The following TRIM54 variants were observed in gnomAD, a reference collection of about 807,000 sequenced individuals.
TRIM54 encodes tripartite motif containing 54.
TRIM54 carries 40 observed loss-of-function variants against 42.0 expected under a neutral mutation model. That is an observed-to-expected ratio of 0.95 (90% CI 0.74 to 1.24). The LOEUF (loss-of-function observed/expected upper bound fraction) is 1.24, where lower values mean the gene tolerates loss of function less well. TRIM54 is among the 50% of genes most tolerant of loss of function. The pLI is 0.00. For synonymous variants in TRIM54, 199 were observed against 194.9 expected (o/e 1.02, Z -0.17); for missense variants, 485 against 480.3 (o/e 1.01, Z -0.09).
intron 1 of TRIM54, among the ~76,000 whole-genome samples, chr2:27,291,851 G>A (rs1200693025): frequency 6.6e-6 from 1 of 152,156 alleles, no homozygotes; most frequent in African/African-American, 2.4e-5. Context: ...TTGTGAATCA[G>A]GAGGGGACTC....
Position 27,306,816 on chromosome 2 carries a change from G to T in TRIM54, c.*2-71G>T. ...GGAGAAACCCACGTGGCGGGGGACG[G>T]AGTGAGCGGGGCTCGAGCTGCCTCG... On this transcript the variant is annotated intron_variant, in intron 8 of 8. Transcript: ENST00000380075. The surrounding 1 kb of genome is among the most constrained non-coding windows in gnomAD (Gnocchi z 6.1). 1 of 526,448 alleles carries T rather than the reference G, an allele frequency of 1.9e-6. No individual in the cohort carries two copies. Among genetic ancestry groups the T allele is most frequent in the Non-Finnish European group, 3.4e-6 (1 of 298,034 alleles). 32.6% of individuals were successfully genotyped at this position (526,448 alleles called of 1,614,324 possible). A position where few individuals can be genotyped will look rare whatever the true frequency, so the allele number is the denominator to read the frequency against.
Position 27,301,660 on chromosome 2 carries a change from C to T in TRIM54, c.513+2244C>T, listed in dbSNP as rs559873614. 6.0e-4 allele frequency among the ~76,000 whole-genome samples: 92 copies of T among 152,252 alleles called. 1 individual carries two copies. In the South Asian group the frequency reaches 0.018, roughly 29 times the overall value. On this transcript the variant is annotated intron_variant, in intron 3 of 8. Coordinates refer to ENST00000380075, the MANE Select transcript of TRIM54 (RefSeq NM_187841.3). ...TTTTGGCCGGCTTCCTTACTGCAAC[C>T]TGTTTTATCAGCAAGGTCTGTATGA...
chr2:27,285,559 GAAGT>G (rs1678534306), intron 1 of TRIM54, among the ~76,000 whole-genome samples: 1 of 152,190 alleles, frequency 6.6e-6, no homozygotes, highest in South Asian at 2.1e-4. Context: ...TCACCAGATA[GAAGT>G]AACTATTACC....
chr2:27,294,780 C>T (rs1047316129), intron 1 of TRIM54, among the ~76,000 whole-genome samples: 4 of 148,522 alleles, frequency 2.7e-5, no homozygotes, highest in African/African-American at 7.4e-5. Context: ...GTCCCAGCTG[C>T]TTGGGAGGCT....
rs1678408739 is a variant in TRIM54, at chr2:27,282,471, G to A, written c.-261G>A. 7.1e-6 allele frequency: 2 copies of A among 281,140 alleles called. No individual in the cohort carries two copies. Among genetic ancestry groups the A allele is most frequent in the East Asian group, 1.4e-4 (2 of 13,804 alleles). 17.4% of individuals were successfully genotyped at this position (281,140 alleles called of 1,614,324 possible). A position where few individuals can be genotyped will look rare whatever the true frequency, so the allele number is the denominator to read the frequency against. On this transcript the variant is annotated 5_prime_UTR_variant, in exon 1 of 9. Transcript: ENST00000380075. ...GAGTGAACAAGAGAGAGTCATTTGG[G>A]AAACAAAAGGAGAATTTTACAGAGA...
chr2:27,288,335 T>A (rs998711114), intron 1 of TRIM54, among the ~76,000 whole-genome samples: 3 of 152,228 alleles, frequency 2.0e-5, no homozygotes, highest in Non-Finnish European at 4.4e-5. Flanking sequence ...AGGGAAAACA[T>A]TCTGACATAA....
Position 27,306,735 on chromosome 2 carries a change from C to T in TRIM54, c.*2-152C>T, listed in dbSNP as rs1325130991. Reference sequence around the variant, plus strand: ...CTAGGGCGGAAAAGTACACTTTCCTCCTCACCCGCTGTTCCTCTGGGGTGC... The same window carrying T: ...CTAGGGCGGAAAAGTACACTTTCCTTCTCACCCGCTGTTCCTCTGGGGTGC... On this transcript the variant is annotated intron_variant, in intron 8 of 8. Coordinates refer to ENST00000380075, the MANE Select transcript of TRIM54 (RefSeq NM_187841.3). This position sits in a 1 kb window ranked among gnomAD's most constrained non-coding sequence, Gnocchi z 6.1. 6.6e-6 allele frequency among the ~76,000 whole-genome samples: 1 copy of T among 152,200 alleles called. No individual in the cohort carries two copies. Among genetic ancestry groups the T allele is most frequent in the African/African-American group, 2.4e-5 (1 of 41,448 alleles).
Position 27,306,332 on chromosome 2 carries a change from A to C in TRIM54, c.986A>C (p.Gln329Pro). The C allele has an allele frequency of 6.2e-7, 1 of 1,614,104 alleles. No homozygotes were observed. Among genetic ancestry groups the C allele is most frequent in the Non-Finnish European group, 8.5e-7 (1 of 1,179,982 alleles). ...VAEMLRTIDF[Q>P]PGASGEEEEV... ...GAAATGCTGCGGACCATCGACTTCC[A>C]GCCAGGTGAAGGAGGTGGCCGAGGG... is the stretch of plus-strand genomic sequence containing the variant. The change falls in exon 7 of 9, where the codon CAG (glutamine) becomes CCG (proline). Residue 329 changes from glutamine (Q) to proline (P), a missense_variant. Physicochemically the swap from Gln to Pro is moderately conservative, Grantham distance 76. Transcript: ENST00000380075. This position sits in a 1 kb window ranked among gnomAD's most constrained non-coding sequence, Gnocchi z 6.1.
chr2:27,283,778 A>ACG (rs796470453), intron 1 of TRIM54, among the ~76,000 whole-genome samples: 1,025 of 102,308 alleles, frequency 0.01, 9 homozygotes, highest in South Asian at 0.017. Flanking sequence ...ACACACACAC[A>ACG]CGCGCGCACA....
intron 1 of TRIM54, among the ~76,000 whole-genome samples, chr2:27,293,998 G>T (rs768666868): frequency 6.6e-6 from 1 of 152,072 alleles, no homozygotes; most frequent in Admixed American, 6.6e-5. Flanking sequence ...ACTCCAGCCC[G>T]ACGACAGAGT....
chr2:27,307,220 T>G lies in TRIM54; in HGVS notation c.*335T>G, dbSNP rs1679251431. 2.2e-6 allele frequency: 1 copy of G among 453,532 alleles called. No homozygotes were observed. The highest frequency in any genetic ancestry group is 4.0e-6 in the Non-Finnish European group (1 of 252,512). 28.1% of individuals were successfully genotyped at this position (453,532 alleles called of 1,614,324 possible). A position where few individuals can be genotyped will look rare whatever the true frequency, so the allele number is the denominator to read the frequency against. On this transcript the variant is annotated 3_prime_UTR_variant, in exon 9 of 9. Transcript: ENST00000380075. This position sits in a 1 kb window ranked among gnomAD's most constrained non-coding sequence, Gnocchi z 6.9. ...AGGGCGGGGCGGTGGTGCCGGGACC[T>G]CTGAGGTCCTGGGGATTTGGGGACC... is the stretch of plus-strand genomic sequence containing the variant.
intron 1 of TRIM54, among the ~76,000 whole-genome samples, chr2:27,286,434 TC>T (rs1262419646): frequency 6.6e-6 from 1 of 152,142 alleles, no homozygotes; most frequent in African/African-American, 2.4e-5. Flanking sequence ...AATTTCTTCC[TC>T]CTTCTTTCCC....
Position 27,305,623 on chromosome 2 carries a change from T to A in TRIM54, c.649T>A (p.Phe217Ile). 6.2e-7 allele frequency: 1 copy of A among 1,613,684 alleles called. No individual in the cohort carries two copies. The change falls in exon 5 of 9, where the codon TTT (phenylalanine) becomes ATT (isoleucine). Residue 217 changes from phenylalanine to isoleucine, a missense_variant. Phe to Ile is a conservative substitution (Grantham distance 21, BLOSUM62 0). Coordinates refer to ENST00000380075, the MANE Select transcript of TRIM54 (RefSeq NM_187841.3). ...GCAGAAGCAGTTGTTAAACCAGAGG[T>A]TTGAGAGCCTGTGCGCAGTGCTGGA... ...RRQKQLLNQR[F>I]ESLCAVLEER...
chr2:27,305,745 G>C lies in TRIM54; in HGVS notation c.771G>C (p.Leu257=). Reference sequence around the variant, plus strand: ...TCATCCGTCAGTATGGCGACCACCTGGAGGCCTCCTCTAAGCTGGTGGAGT... The same window carrying C: ...TCATCCGTCAGTATGGCGACCACCTCGAGGCCTCCTCTAAGCTGGTGGAGT... The part of the protein sequence containing the change: ...RGLIRQYGDH[L]EASSKLVESA... The change falls in exon 5 of 9, where the codon CTG becomes CTC. Residue 257 remains leucine (L), a synonymous_variant. Coordinates refer to ENST00000380075, the MANE Select transcript of TRIM54 (RefSeq NM_187841.3). 1 of 1,611,346 alleles carries C rather than the reference G, an allele frequency of 6.2e-7. No homozygotes were observed. Among genetic ancestry groups the C allele is most frequent in the African/African-American group, 1.3e-5 (1 of 74,830 alleles).
Position 27,305,552 on chromosome 2 carries a change from G to C in TRIM54, c.610-32G>C, listed in dbSNP as rs371578395. On this transcript the variant is annotated intron_variant, in intron 4 of 8. Coordinates refer to ENST00000380075, the MANE Select transcript of TRIM54 (RefSeq NM_187841.3). ...TTCCCAGCCACCGGGTCTCAGCCAC[G>C]CCTTCCCTCATCCTTGCTCCCCATC... is the stretch of plus-strand genomic sequence containing the variant. 4 of 1,585,598 alleles carry C rather than the reference G, an allele frequency of 2.5e-6. No homozygotes were observed. The East Asian group carries it at 9.0e-5, about 36-fold the overall frequency.
chr2:27,306,124 G>T lies in TRIM54; in HGVS notation c.866+22G>T, dbSNP rs769775006. On this transcript the variant is annotated intron_variant, in intron 6 of 8. Coordinates refer to ENST00000380075, the MANE Select transcript of TRIM54 (RefSeq NM_187841.3). The surrounding 1 kb of genome is among the most constrained non-coding windows in gnomAD (Gnocchi z 6.1). Reference sequence around the variant, plus strand: ...ATAAGTGAGTAGGCATAGCGGGAAGGGAAAGGAGGGGGCTGCACTGCTCCA... The same window carrying T: ...ATAAGTGAGTAGGCATAGCGGGAAGTGAAAGGAGGGGGCTGCACTGCTCCA... 31 of 1,613,934 alleles carry T rather than the reference G, an allele frequency of 1.9e-5. No individual in the cohort carries two copies. In the South Asian group the frequency reaches 2.7e-4, roughly 14 times the overall value.
At position 27,306,604 on chromosome 2, in the gene TRIM54, G is replaced by C; in HGVS notation, c.*1+62G>C. On this transcript the variant is annotated intron_variant, in intron 8 of 8. Transcript: ENST00000380075. The surrounding 1 kb of genome is among the most constrained non-coding windows in gnomAD (Gnocchi z 6.1). ...CCTGAGGGGCTTGGGGTGGGGCCTG[G>C]CTGGTGTGCTCGCGTCCCCTCCCCC... The C allele has an allele frequency of 7.0e-7, 1 of 1,432,356 alleles. No homozygotes were observed. Among genetic ancestry groups the C allele is most frequent in the East Asian group, 2.5e-5 (1 of 40,194 alleles). 88.7% of individuals were successfully genotyped at this position (1,432,356 alleles called of 1,614,324 possible).
intron 1 of TRIM54, 102 bp downstream of exon 1, chr2:27,283,001 C>G (rs1439284749): frequency 2.3e-6 from 3 of 1,310,838 alleles, no homozygotes; most frequent in Middle Eastern, 2.4e-4. Flanking sequence ...ATAGAGTGCT[C>G]TCTGAGGTGG....
intron 3 of TRIM54, among the ~76,000 whole-genome samples, chr2:27,303,106 G>C (rs1344491715): frequency 6.6e-6 from 1 of 152,108 alleles, no homozygotes; most frequent in Non-Finnish European, 1.5e-5. Context: ...GGGTGGGGAG[G>C]GGCGAAGAGA....
Sources: allele counts gnomAD v4.1 joint callset (sites outside exome capture counted in the v4.1 genomes callset), GRCh38; gene constraint gnomAD v4.1.1; non-coding constraint Gnocchi (gnomAD v3.1); transcripts MANE v1.5; gene names NCBI Gene and HGNC (gene_info 2026-07-23, HGNC 2026-07-21).